The following CHN1 variants were observed in gnomAD, a reference collection of about 807,000 sequenced individuals.
CHN1 encodes the protein chimerin 1.
A neutral mutation model predicts 59.5 loss-of-function variants in CHN1; 37 were observed. The observed-to-expected ratio is 0.62, with a 90% CI of 0.48 to 0.82. The LOEUF (loss-of-function observed/expected upper bound fraction) is 0.82, where lower values mean the gene tolerates loss of function less well. CHN1 is among the 40% of genes least tolerant of loss of function. The probability of loss-of-function intolerance (pLI) is 0.00; values close to 1 mark genes in which losing one functional copy is unlikely to be tolerated. For missense variants in CHN1, 469 were observed against 571.0 expected (o/e 0.82, Z 1.82); for synonymous variants, 206 against 200.4 (o/e 1.03, Z -0.24).
intron 8 of CHN1, among the ~76,000 whole-genome samples, chr2:174,814,999 T>A (rs776758523): frequency 6.6e-6 from 1 of 152,178 alleles, no homozygotes. Context: ...TCATTCTTTA[T>A]CTTCTTTTGG....
rs1295984909 is a variant in CHN1 at position 174,910,397 on chromosome 2, T to C, written c.260+4661A>G. Among the ~76,000 whole-genome samples the C allele has an allele frequency of 3.3e-5, 5 of 152,160 alleles. No individual in the cohort carries two copies. The East Asian group carries it at 9.6e-4, about 29-fold the overall frequency. ...GTCCAACGTTGATAAAGAATTTTTTTTTTTTAATTTCCAAGAAAACTCTTG... is the reference window on the plus strand; with the variant it reads ...GTCCAACGTTGATAAAGAATTTTTTCTTTTTAATTTCCAAGAAAACTCTTG... On this transcript the variant is annotated intron_variant, in intron 5 of 12. Coordinates refer to ENST00000409900, the MANE Select transcript of CHN1 (RefSeq NM_001822.7).
At chr2:174,883,728 A>C (rs1361241590) in intron 5 of CHN1, among the ~76,000 whole-genome samples, 1 of 152,080 alleles carries the variant, frequency 6.6e-6, no homozygotes, top group Admixed American at 6.5e-5. Flanking sequence ...TGCTCAAAAA[A>C]CCCAAAATAA....
At chr2:174,912,231 T>C (rs1688724651) in intron 5 of CHN1, among the ~76,000 whole-genome samples, 1 of 152,194 alleles carries the variant, frequency 6.6e-6, no homozygotes, top group African/African-American at 2.4e-5. Flanking sequence ...CCTTACACAA[T>C]TTTCACAGCA....
At chr2:174,970,837 T>C (rs1285078149) in intron 1 of CHN1, among the ~76,000 whole-genome samples, 3 of 152,188 alleles carry the variant, frequency 2.0e-5, no homozygotes, top group Non-Finnish European at 2.9e-5. Flanking sequence ...TTTGAAAAGA[T>C]TATTAAAACA....
At chr2:174,979,812 T>C (rs556178014) in intron 1 of CHN1, among the ~76,000 whole-genome samples, 2 of 151,624 alleles carry the variant, frequency 1.3e-5, no homozygotes, top group East Asian at 1.9e-4. Flanking sequence ...ACCCGGGAGG[T>C]AGAGGTTGCA....
intron 1 of CHN1, among the ~76,000 whole-genome samples, chr2:174,982,051 G>A (rs1035016086): frequency 6.6e-6 from 1 of 151,982 alleles, no homozygotes; most frequent in East Asian, 1.9e-4. Flanking sequence ...GCGGTGTTTG[G>A]TTTTTTTGTC....
chr2:174,844,772 CAGAG>C (rs554737475), intron 7 of CHN1, among the ~76,000 whole-genome samples: 53 of 152,186 alleles, frequency 3.5e-4, no homozygotes, highest in Non-Finnish European at 5.3e-4. Flanking sequence ...TTTTAAATAA[CAGAG>C]AGTAACTTCA....
At chr2:174,812,503 G>T in intron 8 of CHN1, 21 bp from the exon 9 acceptor site, 1 of 1,611,894 alleles carries the variant, frequency 6.2e-7, no homozygotes, top group Non-Finnish European at 8.5e-7. Context: ...AATAAAGAAA[G>T]GAAACATTCA....
chr2:174,936,491 C>G (rs1170565139), intron 3 of CHN1, among the ~76,000 whole-genome samples: 1 of 152,108 alleles, frequency 6.6e-6, no homozygotes, highest in African/African-American at 2.4e-5. Flanking sequence ...CTCAGTCACT[C>G]TATATACATA....
chr2:174,851,500 T>C (rs1204148778), intron 6 of CHN1, among the ~76,000 whole-genome samples: 2 of 152,196 alleles, frequency 1.3e-5, no homozygotes, highest in East Asian at 3.9e-4. Context: ...CAGGCTGGTC[T>C]GGAACTCCTG....
chr2:174,871,133 G>T (rs1436376131), intron 6 of CHN1, among the ~76,000 whole-genome samples: 1 of 150,816 alleles, frequency 6.6e-6, no homozygotes, highest in Non-Finnish European at 1.5e-5. Flanking sequence ...GTAAGGTGTA[G>T]ATGGTCCCAA....
In CHN1 at chr2:174,975,918, G is replaced by A. The variant is rs181941013; in HGVS notation, c.20-23716C>T. Among the ~76,000 whole-genome samples, 1,411 of 151,548 alleles carry A rather than the reference G, an allele frequency of 9.3e-3. 24 individuals are homozygous for A. Among genetic ancestry groups the A allele is most frequent in the African/African-American group, 0.032 (1,323 of 41,300 alleles). ...GGGCGGATCACGAGGTCAAGAGATC[G>A]AGATCATCCTGGCTAACATGGTGAA... On this transcript the variant is annotated intron_variant, in intron 1 of 12. Coordinates refer to ENST00000409900, the MANE Select transcript of CHN1 (RefSeq NM_001822.7).
chr2:174,946,900 TA>T (rs34155510), intron 2 of CHN1, among the ~76,000 whole-genome samples: 84,723 of 100,178 alleles, frequency 0.85, 36,036 homozygotes, highest in East Asian at 0.96. Context: ...CTAAAAAATG[TA>T]AAAAAAAAAA....
chr2:174,987,122 C>A (rs528804726), intron 1 of CHN1, among the ~76,000 whole-genome samples: 1 of 152,080 alleles, frequency 6.6e-6, no homozygotes, highest in African/African-American at 2.4e-5. Flanking sequence ...ACAAAATATG[C>A]GTTAATCAAT....
intron 6 of CHN1, among the ~76,000 whole-genome samples, chr2:174,857,914 T>C (rs1686954247): frequency 6.6e-6 from 1 of 152,156 alleles, no homozygotes; most frequent in Non-Finnish European, 1.5e-5. Flanking sequence ...TTTTCACTTT[T>C]TCAAAAAGCT....
intron 8 of CHN1, among the ~76,000 whole-genome samples, chr2:174,820,279 C>T (rs1005626348): frequency 6.6e-6 from 1 of 152,106 alleles, no homozygotes; most frequent in South Asian, 2.1e-4. Flanking sequence ...GTTTACAGTC[C>T]CACCAACAGT....
rs1339005530 is a variant in CHN1, at chr2:174,800,133, C to T, written c.1363G>A (p.Glu455Lys). The change falls in exon 13 of 13, where the codon GAA becomes AAA. Residue 455 changes from glutamate to lysine, a missense_variant. By Grantham distance (56) the Glu-to-Lys change is moderately conservative. Transcript: ENST00000409900. ...RLVVELLIKNEDILF is the reference protein window; with the variant it reads ...RLVVELLIKNKDILF ...TTAAAAATTTAAAATAAAATGTCTT[C>T]GTTTTTGATAAGCAGCTCCACCACC... is the stretch of plus-strand genomic sequence containing the variant. The T allele has an allele frequency of 1.1e-5, 18 of 1,573,504 alleles. No homozygotes were observed. The highest frequency in any genetic ancestry group is 9.0e-5 in the East Asian group (4 of 44,544).
At chr2:174,881,923 T>C (rs1687750235) in intron 5 of CHN1, among the ~76,000 whole-genome samples, 1 of 152,164 alleles carries the variant, frequency 6.6e-6, no homozygotes, top group South Asian at 2.1e-4. Context: ...GCTGAGAGAT[T>C]TACATATATT....
In CHN1 at chr2:174,902,376, T is replaced by C. The variant is rs540856115; in HGVS notation, c.260+12682A>G. The stretch of plus-strand genomic sequence containing the variant: ...GGGTACCTCACATAAACTGGAATTA[T>C]TATATCAATGTTTTTAAAAAGCTTT... On this transcript the variant is annotated intron_variant, in intron 5 of 12. Transcript: ENST00000409900. Among the ~76,000 whole-genome samples the C allele has an allele frequency of 4.6e-5, 7 of 152,282 alleles. No individual in the cohort carries two copies. The South Asian group carries it at 1.2e-3, about 27-fold the overall frequency.
Sources: gnomAD v4.1 joint callset for allele counts (sites outside exome capture counted in the v4.1 genomes callset) on GRCh38, gnomAD v4.1.1 for gene constraint, MANE v1.5 for transcripts, NCBI Gene and HGNC (gene_info 2026-07-23, HGNC 2026-07-21) for gene names.